Variants in AKAP7 observed in about 807,000 individuals in gnomAD.
AKAP7 encodes A-kinase anchoring protein 7.
A neutral mutation model predicts 39.5 loss-of-function variants in AKAP7; 39 were observed. That is an observed-to-expected ratio of 0.99 (90% CI 0.76 to 1.29). AKAP7 has a LOEUF of 1.29. Ranked by LOEUF, AKAP7 falls within the 50% of genes most tolerant of loss-of-function variation. The pLI is 0.00. For synonymous variants in AKAP7, 140 were observed against 139.1 expected (o/e 1.01, Z -0.05); for missense variants, 414 against 407.7 (o/e 1.02, Z -0.13).
At chr6:131,179,570 T>C (rs997323575) in intron 5 of AKAP7, among the ~76,000 whole-genome samples, 8 of 152,168 alleles carry the variant, frequency 5.3e-5, no homozygotes, top group African/African-American at 1.7e-4. Context: ...TACCCAGTAC[T>C]GTCTATAATG....
chr6:131,260,537 G>A (rs984544263), intron 7 of AKAP7, among the ~76,000 whole-genome samples: 16 of 152,052 alleles, frequency 1.1e-4, no homozygotes, highest in Admixed American at 8.5e-4. Flanking sequence ...TTTGATTTGC[G>A]TTTCTCTAAT....
intron 5 of AKAP7, among the ~76,000 whole-genome samples, chr6:131,191,239 G>C (rs1309581661): frequency 6.6e-6 from 1 of 152,156 alleles, no homozygotes; most frequent in Non-Finnish European, 1.5e-5. Context: ...ACCCATAAAA[G>C]TGACAGTTTT....
intron 7 of AKAP7, among the ~76,000 whole-genome samples, chr6:131,246,870 A>G (rs909650249): frequency 2.0e-5 from 3 of 152,184 alleles, no homozygotes; most frequent in African/African-American, 4.8e-5. Flanking sequence ...AGCTGAGTCT[A>G]CACACAAATT....
chr6:131,157,032 C>A (rs958933204), intron 2 of AKAP7, among the ~76,000 whole-genome samples: 4 of 152,154 alleles, frequency 2.6e-5, no homozygotes, highest in African/African-American at 9.7e-5. Flanking sequence ...GCCTCAGCCT[C>A]CCAAAGTGCT....
At chr6:131,238,184 A>C (rs1811237237) in intron 7 of AKAP7, among the ~76,000 whole-genome samples, 1 of 152,156 alleles carries the variant, frequency 6.6e-6, no homozygotes, top group Admixed American at 6.5e-5. Context: ...ATTCAGGAGC[A>C]GGTTGTTCAG....
chr6:131,196,267 C>CTTT (rs199967369), intron 5 of AKAP7, among the ~76,000 whole-genome samples: 9 of 133,938 alleles, frequency 6.7e-5, no homozygotes, highest in East Asian at 2.2e-4. Context: ...ATGTCAGTTG[C>CTTT]TTTTTTTTTT....
chr6:131,223,152 T>C (rs1399437201), intron 7 of AKAP7, among the ~76,000 whole-genome samples: 4 of 152,254 alleles, frequency 2.6e-5, no homozygotes, highest in African/African-American at 9.6e-5. Flanking sequence ...TTATATGTAC[T>C]AGGAAACCAA....
chr6:131,181,477 C>G (rs1805235684), intron 5 of AKAP7, among the ~76,000 whole-genome samples: 1 of 152,208 alleles, frequency 6.6e-6, no homozygotes, highest in Admixed American at 6.5e-5. Context: ...GCAATAGTCT[C>G]CTGGTCTACA....
chr6:131,215,426 C>T (rs991774378), intron 6 of AKAP7, among the ~76,000 whole-genome samples: 1 of 152,238 alleles, frequency 6.6e-6, no homozygotes, highest in Non-Finnish European at 1.5e-5. Context: ...AGCTCCTCAT[C>T]TCTTTCCCTC....
In AKAP7 at chr6:131,282,211, G is replaced by GT; in HGVS notation, c.*486dup. On this transcript the variant is annotated 3_prime_UTR_variant, in exon 8 of 8. Coordinates refer to ENST00000431975, the MANE Select transcript of AKAP7 (RefSeq NM_016377.4). Reference sequence around the variant, plus strand: ...ATAATGTTTCATGTTTGTCCTAAGTGTGCTGTTGCTATGCAGTGTGATCTT... The same window carrying GT: ...ATAATGTTTCATGTTTGTCCTAAGTGTTGCTGTTGCTATGCAGTGTGATCTT... The GT allele has an allele frequency of 1.5e-6, 2 of 1,311,038 alleles. No individual in the cohort carries two copies. Among genetic ancestry groups the GT allele is most frequent in the Non-Finnish European group, 1.9e-6 (2 of 1,035,880 alleles). The allele number at this position is 1,311,038 out of a possible 1,614,324, so 81.2% of individuals were successfully genotyped here. A position where few individuals can be genotyped will look rare whatever the true frequency, so the allele number is the denominator to read the frequency against.
chr6:131,164,599 T>C (rs1803297421), intron 3 of AKAP7: 2 of 350,442 alleles, frequency 5.7e-6, no homozygotes, highest in Admixed American at 7.3e-5. Flanking sequence ...TTAAAGGCCA[T>C]GAGGAACGGG....
chr6:131,235,577 C>T (rs1810980885), intron 7 of AKAP7, among the ~76,000 whole-genome samples: 1 of 152,160 alleles, frequency 6.6e-6, no homozygotes, highest in South Asian at 2.1e-4. Flanking sequence ...CCTGTTGTTT[C>T]CTGACTTTTT....
chr6:131,216,692 T>A (rs937020046), intron 6 of AKAP7, among the ~76,000 whole-genome samples: 1 of 152,244 alleles, frequency 6.6e-6, no homozygotes, highest in Admixed American at 6.5e-5. Flanking sequence ...CACTATTTTA[T>A]TGTTTCAAAG....
intron 7 of AKAP7, among the ~76,000 whole-genome samples, chr6:131,276,097 T>A (rs1227645347): frequency 6.6e-6 from 1 of 152,246 alleles, no homozygotes; most frequent in East Asian, 1.9e-4. Context: ...AAAACCCCTG[T>A]GGGGATGTCC....
chr6:131,172,351 T>C (rs80043086), intron 5 of AKAP7, among the ~76,000 whole-genome samples: 3,036 of 152,248 alleles, frequency 0.02, 97 homozygotes, highest in African/African-American at 0.066. Flanking sequence ...ATAACATTTT[T>C]CCCCTTTCCT....
chr6:131,169,903 G>T (rs1803866914), intron 5 of AKAP7, among the ~76,000 whole-genome samples: 1 of 151,598 alleles, frequency 6.6e-6, no homozygotes, highest in African/African-American at 2.4e-5. Flanking sequence ...TTGCATTATT[G>T]GTCTATGCTT....
intron 2 of AKAP7, among the ~76,000 whole-genome samples, chr6:131,151,654 G>T (rs1338062539): frequency 6.6e-6 from 1 of 152,096 alleles, no homozygotes; most frequent in South Asian, 2.1e-4. Context: ...GCTGAGGCAG[G>T]AGAATCGCTT....
chr6:131,268,196 C>T (rs775028324), intron 7 of AKAP7, among the ~76,000 whole-genome samples: 7 of 152,134 alleles, frequency 4.6e-5, no homozygotes, highest in East Asian at 1.9e-4. Context: ...ATTTCTCTCT[C>T]GTATACCTTC....
At chr6:131,250,740 A>G in intron 7 of AKAP7, 1 of 961,090 alleles carries the variant, frequency 1.0e-6, no homozygotes, top group South Asian at 1.6e-5. Flanking sequence ...ATGGTTTTTA[A>G]TGTGTGTTTC....
Sources: allele counts gnomAD v4.1 joint callset (sites outside exome capture counted in the v4.1 genomes callset), GRCh38; gene constraint gnomAD v4.1.1; transcripts MANE v1.5; gene names NCBI Gene and HGNC (gene_info 2026-07-23, HGNC 2026-07-21).